FAM184B: variants seen among roughly 807,000 people sequenced by gnomAD.
The protein encoded by FAM184B is protein FAM184B.
FAM184B carries 111 observed loss-of-function variants against 135.9 expected under a neutral mutation model. The observed-to-expected ratio is 0.82, with a 90% CI of 0.70 to 0.96. The LOEUF (loss-of-function observed/expected upper bound fraction) is 0.96, where lower values mean the gene tolerates loss of function less well. FAM184B is among the 40% of genes least tolerant of loss of function. FAM184B has a pLI of 0.00. For synonymous variants in FAM184B, 552 were observed against 524.8 expected, an observed-to-expected ratio of 1.05 and a Z score of -0.71; for missense variants, 1,375 against 1,323.9, an observed-to-expected ratio of 1.04 and a Z score of -0.60.
chr4:17,762,206 C>T (rs1394793067), intron 1 of FAM184B, among the ~76,000 whole-genome samples: 1 of 152,134 alleles, frequency 6.6e-6, no homozygotes, highest in African/African-American at 2.4e-5. Context: ...AGTAAATGAA[C>T]AAATTAACAA....
At chr4:17,714,074 A>G (rs1395542341) in intron 1 of FAM184B, among the ~76,000 whole-genome samples, 2 of 152,112 alleles carry the variant, frequency 1.3e-5, no homozygotes, top group East Asian at 1.9e-4. Context: ...ATGGACAAGA[A>G]CCATATCACT....
chr4:17,629,834 A>C lies in FAM184B; in HGVS notation c.*2698T>G, dbSNP rs181025864. On this transcript the variant is annotated 3_prime_UTR_variant, in exon 18 of 18. Transcript: ENST00000265018. Reference sequence around the variant, plus strand: ...AATAGTGTTAGGGCACAGTAGGTTCATTTACTGCTGGTAAGGGTGTAAATT... The same window carrying C: ...AATAGTGTTAGGGCACAGTAGGTTCCTTTACTGCTGGTAAGGGTGTAAATT... 1 of 152,204 alleles carries C rather than the reference A, an allele frequency of 6.6e-6. No individual in the cohort carries two copies. Among genetic ancestry groups the C allele is most frequent in the African/African-American group, 2.4e-5 (1 of 41,448 alleles). The allele number at this position is 152,204 out of a possible 1,614,324, so 9.4% of individuals were successfully genotyped here.
chr4:17,652,869 C>T lies in FAM184B; in HGVS notation c.2152G>A (p.Glu718Lys). The change falls in exon 11 of 18, where the codon GAG (glutamate) becomes AAG (lysine). Residue 718 changes from glutamate (E) to lysine (K), a missense_variant. Transcript: ENST00000265018. ...EEKARQELQEERERMQAQQAL... is the reference protein window; with the variant it reads ...EEKARQELQEKRERMQAQQAL... ...TGCTGTGCCTGCATCCTCTCACGCT[C>T]CTCCTGCAGCTCTTGCCTGGCCTTT... is the stretch of plus-strand genomic sequence containing the variant. 6.4e-7 allele frequency: 1 copy of T among 1,551,742 alleles called. No individual in the cohort carries two copies. The highest frequency in any genetic ancestry group is 8.7e-7 in the Non-Finnish European group (1 of 1,147,014).
At chr4:17,649,792 T>G (rs1407516787) in intron 11 of FAM184B, among the ~76,000 whole-genome samples, 7 of 152,016 alleles carry the variant, frequency 4.6e-5, no homozygotes, top group Admixed American at 3.3e-4. Flanking sequence ...TTCCCACCAT[T>G]CATCTATCCA....
chr4:17,670,126 A>T (rs1716137747), intron 7 of FAM184B, among the ~76,000 whole-genome samples: 1 of 152,232 alleles, frequency 6.6e-6, no homozygotes, highest in South Asian at 2.1e-4. Context: ...TAAACTTTAA[A>T]ACTCTGGGAC....
chr4:17,771,645 A>C (rs1718819430), intron 1 of FAM184B, among the ~76,000 whole-genome samples: 1 of 152,140 alleles, frequency 6.6e-6, no homozygotes, highest in South Asian at 2.1e-4. Context: ...CCACACCTTT[A>C]AGCCATGAAA....
intron 1 of FAM184B, among the ~76,000 whole-genome samples, chr4:17,740,856 G>A (rs1389877710): frequency 2.0e-5 from 3 of 151,992 alleles, no homozygotes; most frequent in East Asian, 1.9e-4. Flanking sequence ...TTTCACTGTC[G>A]GCTCTGCTTG....
At position 17,630,825 on chromosome 4, in the gene FAM184B, CTTTCTA is replaced by C. The variant is rs1321169094; in HGVS notation, c.*1701_*1706del. The C allele has an allele frequency of 2.6e-5, 4 of 151,262 alleles. No homozygotes were observed. The highest frequency in any genetic ancestry group is 4.9e-5 in the African/African-American group (2 of 41,104). The allele number at this position is 151,262 out of a possible 1,614,324, so 9.4% of individuals were successfully genotyped here. ...GTGATTGAGGTTAATGTGAACTGAA[CTTTCTA>C]TTTCTAAGCTGTCTTCATCTAATTT... On this transcript the variant is annotated 3_prime_UTR_variant, in exon 18 of 18. Transcript: ENST00000265018.
intron 11 of FAM184B, among the ~76,000 whole-genome samples, chr4:17,648,904 T>C (rs758764658): frequency 6.6e-6 from 1 of 152,192 alleles, no homozygotes; most frequent in Non-Finnish European, 1.5e-5. Flanking sequence ...CCCGGCATGA[T>C]TGAAACAATT....
chr4:17,658,311 G>C, intron 10 of FAM184B, 39 bp downstream of exon 10: 1 of 1,539,940 alleles, frequency 6.5e-7, no homozygotes, highest in Non-Finnish European at 8.8e-7. Context: ...CACCTAGCAG[G>C]TGCCCGGCAC....
At chr4:17,677,370 G>A (rs977429296) in intron 7 of FAM184B, among the ~76,000 whole-genome samples, 6 of 152,098 alleles carry the variant, frequency 3.9e-5, no homozygotes, top group African/African-American at 1.4e-4. Context: ...TTCAAGCCCA[G>A]CAATACTTGT....
In FAM184B at chr4:17,707,751, C is replaced by G. The variant is rs1717151145; in HGVS notation, c.928G>C (p.Glu310Gln). The change falls in exon 3 of 18, where the codon GAG becomes CAG. Residue 310 changes from glutamate (E) to glutamine (Q), a missense_variant. Physicochemically the swap from Glu to Gln is conservative, Grantham distance 29 (BLOSUM62 2). Transcript: ENST00000265018. The part of the protein sequence containing the change: ...LDVQLKEARQ[E>Q]NSELKGTAKK... ...GCAGTGCCTTTCAACTCTGAATTCT[C>G]CTGTCGAGCCTCCTTAAGCTGCACA... 1.3e-6 allele frequency: 2 copies of G among 1,551,826 alleles called. No homozygotes were observed. Among genetic ancestry groups the G allele is most frequent in the African/African-American group, 2.7e-5 (2 of 73,058 alleles).
intron 1 of FAM184B, among the ~76,000 whole-genome samples, chr4:17,729,324 G>C (rs1354656064): frequency 6.6e-6 from 1 of 152,210 alleles, no homozygotes; most frequent in African/African-American, 2.4e-5. Context: ...TCTGGGGGCG[G>C]GGCACAGACA....
chr4:17,732,822 C>T (rs1577281617), intron 1 of FAM184B, among the ~76,000 whole-genome samples: 1 of 152,224 alleles, frequency 6.6e-6, no homozygotes, highest in East Asian at 1.9e-4. Flanking sequence ...GGGAATCCTC[C>T]CTAACTCATT....
At position 17,759,163 on chromosome 4, in the gene FAM184B, T is replaced by C. The variant is rs944465362; in HGVS notation, c.141+21996A>G. On this transcript the variant is annotated intron_variant, in intron 1 of 17. Coordinates refer to ENST00000265018, the MANE Select transcript of FAM184B (RefSeq NM_015688.2). ...GGTTCTCAGGGGGCTGGCTTCTGTT[T>C]CTCCCAGTCTCCTTGATATGGTTTG... Among the ~76,000 whole-genome samples, 88 of 152,206 alleles carry C rather than the reference T, an allele frequency of 5.8e-4. 1 individual carries two copies. Among genetic ancestry groups the C allele is most frequent in the African/African-American group, 1.9e-3 (80 of 41,454 alleles).
chr4:17,731,144 C>T (rs190669578), intron 1 of FAM184B, among the ~76,000 whole-genome samples: 79 of 152,170 alleles, frequency 5.2e-4, no homozygotes, highest in African/African-American at 1.8e-3. Context: ...TTTGTCACCA[C>T]CAGGTCTGCC....
intron 1 of FAM184B, among the ~76,000 whole-genome samples, chr4:17,743,965 G>A (rs759054721): frequency 6.6e-5 from 10 of 152,188 alleles, no homozygotes; most frequent in Admixed American, 2.0e-4. Flanking sequence ...GGAAAAGTCC[G>A]TTTCCAAGCT....
chr4:17,730,433 T>C (rs906286109), intron 1 of FAM184B, among the ~76,000 whole-genome samples: 5 of 152,052 alleles, frequency 3.3e-5, no homozygotes, highest in Non-Finnish European at 5.9e-5. Flanking sequence ...AGATACTCCT[T>C]GAGAAGAGCA....
chr4:17,718,262 T>C (rs1400779356), intron 1 of FAM184B, among the ~76,000 whole-genome samples: 1 of 152,200 alleles, frequency 6.6e-6, no homozygotes, highest in Non-Finnish European at 1.5e-5. Flanking sequence ...CCAGAAGTCA[T>C]TGAGCTAAAA....
Sources: gnomAD v4.1 joint callset for allele counts (sites outside exome capture counted in the v4.1 genomes callset) on GRCh38, gnomAD v4.1.1 for gene constraint, MANE v1.5 for transcripts, NCBI Gene and HGNC (gene_info 2026-07-23, HGNC 2026-07-21) for gene names.